The following ARSJ variants were observed in gnomAD, a reference collection of about 807,000 sequenced individuals.
The protein encoded by ARSJ is arylsulfatase family member J.
A neutral mutation model predicts 35.9 loss-of-function variants in ARSJ; 26 were observed. The ratio of observed to expected loss-of-function variants is 0.72; its 90% CI spans 0.53 to 1.00. ARSJ has a LOEUF of 1.00. ARSJ is among the 50% of genes least tolerant of loss of function. The pLI is 0.00. For missense variants in ARSJ, 667 were observed against 723.6 expected (o/e 0.92, Z 0.90); for synonymous variants, 294 against 267.6 (o/e 1.10, Z -0.96).
At chr4:113,965,573 T>C (rs1431101598) in intron 1 of ARSJ, among the ~76,000 whole-genome samples, 2 of 152,062 alleles carry the variant, frequency 1.3e-5, no homozygotes, top group African/African-American at 2.4e-5. Context: ...CAGATATAGA[T>C]ATACACATAT....
chr4:113,913,158 A>G (rs973991285), intron 1 of ARSJ, among the ~76,000 whole-genome samples: 10 of 152,096 alleles, frequency 6.6e-5, no homozygotes, highest in African/African-American at 2.4e-4. Context: ...ACACAAGCAG[A>G]TAAGGAAACT....
rs545829018 is a variant in ARSJ, at chr4:113,902,655, G to A, written c.1419C>T (p.Ser473=). The change falls in exon 2 of 2, where the codon AGC becomes AGT. Residue 473 remains serine, a synonymous_variant. Coordinates refer to ENST00000315366, the MANE Select transcript of ARSJ (RefSeq NM_024590.4). ...TGTGCCACCGGTTCGGTCCCAGGTT[G>A]CTGAAAGACTGAGGGGGGACCCAGT... is the stretch of plus-strand genomic sequence containing the variant. The part of the protein sequence containing the change: ...YSDWVPPQSF[S]NLGPNRWHNE... 5 of 1,614,172 alleles carry A rather than the reference G, an allele frequency of 3.1e-6. No individual in the cohort carries two copies. In the East Asian group the frequency reaches 8.9e-5, roughly 29 times the overall value.
chr4:113,959,028 G>C (rs1036293794), intron 1 of ARSJ, among the ~76,000 whole-genome samples: 20 of 152,034 alleles, frequency 1.3e-4, no homozygotes, highest in Middle Eastern at 6.8e-3. Flanking sequence ...AGCGGGATGG[G>C]GGTGGGAAGA....
chr4:113,918,610 A>G (rs1476399755), intron 1 of ARSJ, among the ~76,000 whole-genome samples: 4 of 152,144 alleles, frequency 2.6e-5, no homozygotes. Context: ...TTCTGAATAG[A>G]TATATTAATC....
chr4:113,959,764 A>G lies in ARSJ; in HGVS notation c.398+18673T>C, dbSNP rs74975228. 9.5e-3 allele frequency among the ~76,000 whole-genome samples: 1,449 copies of G among 152,200 alleles called. 51 individuals are homozygous for G. The highest frequency in any genetic ancestry group is 0.067 in the East Asian group (347 of 5,160). Reference sequence around the variant, plus strand: ...AACTGTTTCATCAGAATGTGTTTATATGGTTGCATATTATCAAATGGAATT... The same window carrying G: ...AACTGTTTCATCAGAATGTGTTTATGTGGTTGCATATTATCAAATGGAATT... On this transcript the variant is annotated intron_variant, in intron 1 of 1. Coordinates refer to ENST00000315366, the MANE Select transcript of ARSJ (RefSeq NM_024590.4).
chr4:113,924,050 TATATAA>T (rs1323419949), intron 1 of ARSJ, among the ~76,000 whole-genome samples: 3 of 734 alleles, frequency 4.1e-3, no homozygotes, highest in African/African-American at 8.5e-3. Flanking sequence ...TATATAAATA[TATATAA>T]ATATATATAA....
intron 1 of ARSJ, among the ~76,000 whole-genome samples, chr4:113,905,512 A>G (rs1394973371): frequency 6.6e-6 from 1 of 152,092 alleles, no homozygotes; most frequent in Non-Finnish European, 1.5e-5. Flanking sequence ...ATTCACATGG[A>G]CCCTGTTTAC....
At chr4:113,909,510 ATCATGGGGGCAGTTTTCC>A (rs930519392) in intron 1 of ARSJ, among the ~76,000 whole-genome samples, 1 of 152,110 alleles carries the variant, frequency 6.6e-6, no homozygotes, top group African/African-American at 2.4e-5. Flanking sequence ...AGGTAATTGA[ATCATGGGGGCAGTTTTCC>A]TCATGCTATT....
chr4:113,930,696 A>T (rs2149263972), intron 1 of ARSJ, among the ~76,000 whole-genome samples: 2 of 151,842 alleles, frequency 1.3e-5, no homozygotes, highest in South Asian at 2.1e-4. Context: ...AAGGACTATA[A>T]ATCATGCTGC....
intron 1 of ARSJ, among the ~76,000 whole-genome samples, chr4:113,963,633 A>G (rs1399318319): frequency 6.6e-6 from 1 of 152,038 alleles, no homozygotes; most frequent in Non-Finnish European, 1.5e-5. Flanking sequence ...AACCATAATC[A>G]CCCAGTGTCT....
chr4:113,924,708 T>C (rs1247564650), intron 1 of ARSJ, among the ~76,000 whole-genome samples: 2 of 152,158 alleles, frequency 1.3e-5, no homozygotes, highest in African/African-American at 2.4e-5. Context: ...ATAAATCTTA[T>C]GGCATATGAT....
chr4:113,906,538 A>T lies in ARSJ; in HGVS notation c.399-2863T>A, dbSNP rs552506103. On this transcript the variant is annotated intron_variant, in intron 1 of 1. Transcript: ENST00000315366. ...CAACATAAAAGTTTGACAGCAGCTT[A>T]TAACAGGGAAGAGGTTTTCAGAGCA... The T allele has an allele frequency of 9.6e-5, 21 of 219,576 alleles. No homozygotes were observed. The South Asian group carries it at 1.3e-3, about 13-fold the overall frequency. 13.6% of individuals were successfully genotyped at this position (219,576 alleles called of 1,614,324 possible).
intron 1 of ARSJ, among the ~76,000 whole-genome samples, chr4:113,974,497 G>T (rs930930040): frequency 1.3e-5 from 2 of 152,006 alleles, no homozygotes; most frequent in Non-Finnish European, 2.9e-5. Flanking sequence ...CATCTAAAGA[G>T]AAATTAGGCA....
chr4:113,921,569 G>C (rs907838950), intron 1 of ARSJ, among the ~76,000 whole-genome samples: 1 of 152,126 alleles, frequency 6.6e-6, no homozygotes, highest in Non-Finnish European at 1.5e-5. Context: ...AAGCCAGTTA[G>C]ATTCAGTGGC....
chr4:113,977,456 T>C (rs915460321), intron 1 of ARSJ, among the ~76,000 whole-genome samples: 1 of 152,216 alleles, frequency 6.6e-6, no homozygotes, highest in Non-Finnish European at 1.5e-5. Flanking sequence ...TAGGATCCAA[T>C]TCCAAGAACA....
At chr4:113,977,527 G>A (rs1036371759) in intron 1 of ARSJ, among the ~76,000 whole-genome samples, 1 of 152,162 alleles carries the variant, frequency 6.6e-6, no homozygotes, top group Non-Finnish European at 1.5e-5. Flanking sequence ...AGATTGAAAT[G>A]GCTAAGGATT....
At chr4:113,975,632 C>G (rs925027116) in intron 1 of ARSJ, among the ~76,000 whole-genome samples, 10 of 152,084 alleles carry the variant, frequency 6.6e-5, no homozygotes, top group Non-Finnish European at 1.2e-4. Flanking sequence ...CATCACTACC[C>G]CTCTTAGAAT....
At chr4:113,935,799 A>G (rs1002397915) in intron 1 of ARSJ, among the ~76,000 whole-genome samples, 2 of 151,964 alleles carry the variant, frequency 1.3e-5, no homozygotes, top group African/African-American at 4.8e-5. Context: ...GATGTATTCC[A>G]AGGGAGAATC....
chr4:113,951,482 C>G (rs1725861491), intron 1 of ARSJ, among the ~76,000 whole-genome samples: 1 of 152,008 alleles, frequency 6.6e-6, no homozygotes, highest in Non-Finnish European at 1.5e-5. Context: ...GGGACTACTC[C>G]CTTTCTTGAT....
Sources: gnomAD v4.1 joint callset for allele counts (sites outside exome capture counted in the v4.1 genomes callset) on GRCh38, gnomAD v4.1.1 for gene constraint, MANE v1.5 for transcripts, NCBI Gene and HGNC (gene_info 2026-07-23, HGNC 2026-07-21) for gene names.